Variants in GALNT13 observed in about 807,000 individuals in gnomAD.
GALNT13 encodes the protein UDP-GalNAc:polypeptide N-acetylgalactosaminyltransferase 13.
In GALNT13, 28 loss-of-function variants were observed where a neutral mutation model predicts 64.2. The observed-to-expected ratio is 0.44, with a 90% CI of 0.32 to 0.60. The LOEUF (loss-of-function observed/expected upper bound fraction) is 0.60, where lower values mean the gene tolerates loss of function less well. Among genes scored for constraint, GALNT13 ranks in the 20% least tolerant of loss-of-function variants. GALNT13 has a pLI of 0.05. For missense variants in GALNT13, 577 were observed against 669.8 expected (o/e 0.86, Z 1.53); for synonymous variants, 214 against 224.6 (o/e 0.95, Z 0.42).
the GALNT13 span, among the ~76,000 whole-genome samples, chr2:153,629,043 A>G: frequency 1.3e-5 from 2 of 152,110 alleles, no homozygotes; most frequent in Non-Finnish European, 2.9e-5. Flanking sequence ...TGGTCTATTC[A>G]GAGATTCAAA....
chr2:154,198,748 T>A (rs1394036845), intron 4 of GALNT13, among the ~76,000 whole-genome samples: 1 of 151,788 alleles, frequency 6.6e-6, no homozygotes, highest in African/African-American at 2.4e-5. Flanking sequence ...AGAATATGGG[T>A]AGGAGGGAAC....
intron 3 of GALNT13, among the ~76,000 whole-genome samples, chr2:154,113,159 T>C (rs1184402366): frequency 6.6e-6 from 1 of 152,158 alleles, no homozygotes; most frequent in Non-Finnish European, 1.5e-5. Flanking sequence ...GGAGAATAGT[T>C]ATCTGCAGAA....
the GALNT13 span, among the ~76,000 whole-genome samples, chr2:153,586,118 C>T: frequency 6.6e-6 from 1 of 152,114 alleles, no homozygotes; most frequent in East Asian, 1.9e-4. Flanking sequence ...CATAAAACCA[C>T]AAAGACAGAG....
At chr2:153,282,528 C>A in the GALNT13 span, among the ~76,000 whole-genome samples, 4 of 152,184 alleles carry the variant, frequency 2.6e-5, no homozygotes, top group African/African-American at 9.7e-5. Flanking sequence ...GATCTTCCCA[C>A]TTCAGCCTCC....
At chr2:153,116,956 C>A in the GALNT13 span, among the ~76,000 whole-genome samples, 3 of 151,896 alleles carry the variant, frequency 2.0e-5, no homozygotes, top group Admixed American at 6.6e-5. Context: ...CCCGCCACCA[C>A]GCCCGGCTAA....
At chr2:153,921,018 T>A (rs1372084618) in intron 2 of GALNT13, among the ~76,000 whole-genome samples, 4 of 152,210 alleles carry the variant, frequency 2.6e-5, no homozygotes, top group African/African-American at 9.6e-5. Flanking sequence ...GCTTATACAT[T>A]GCTGATGAGC....
At chr2:153,307,234 C>T in the GALNT13 span, among the ~76,000 whole-genome samples, 1 of 152,070 alleles carries the variant, frequency 6.6e-6, no homozygotes, top group South Asian at 2.1e-4. Flanking sequence ...TCACAGAGGT[C>T]TTTAAAGGTT....
At chr2:154,455,667 G>T (rs758179013), downstream of GALNT13, among the ~76,000 whole-genome samples, 1 of 152,158 alleles carries the variant, frequency 6.6e-6, no homozygotes, top group Non-Finnish European at 1.5e-5. Context: ...ATCAGCTATT[G>T]TATGAATTTA....
At chr2:153,449,898 A>C in the GALNT13 span, 1 of 152,238 alleles carries the variant, frequency 6.6e-6, no homozygotes, top group African/African-American at 2.4e-5. Flanking sequence ...TTATGACCTA[A>C]TCACCTCTTA....
the GALNT13 span, among the ~76,000 whole-genome samples, chr2:153,685,055 A>G: frequency 1.3e-5 from 2 of 151,266 alleles, no homozygotes; most frequent in African/African-American, 4.8e-5. Flanking sequence ...GTCTATCATT[A>G]CTGGGCTATC....
chr2:153,549,707 G>T, the GALNT13 span, among the ~76,000 whole-genome samples: 1 of 152,136 alleles, frequency 6.6e-6, no homozygotes, highest in South Asian at 2.1e-4. Context: ...CTACCCATGG[G>T]CTCCTGAGAA....
At chr2:153,995,926 A>G (rs924069896) in intron 3 of GALNT13, among the ~76,000 whole-genome samples, 1 of 152,114 alleles carries the variant, frequency 6.6e-6, no homozygotes, top group Non-Finnish European at 1.5e-5. Flanking sequence ...ATCTTGCAGT[A>G]TTTGCCTTTC....
chr2:154,149,272 A>G (rs1418663989), intron 4 of GALNT13, among the ~76,000 whole-genome samples: 7 of 152,056 alleles, frequency 4.6e-5, no homozygotes, highest in South Asian at 2.1e-4. Flanking sequence ...GCTCTGTTCT[A>G]TTCCATTGAT....
chr2:154,399,443 A>G (rs799744), intron 10 of GALNT13, among the ~76,000 whole-genome samples: 52,043 of 151,762 alleles, frequency 0.34, 9,320 homozygotes, highest in African/African-American at 0.45. Flanking sequence ...GCATGTTGTC[A>G]CTAAGTCCTC....
At chr2:154,439,865 C>T (rs1473773865) in intron 12 of GALNT13, among the ~76,000 whole-genome samples, 1 of 152,108 alleles carries the variant, frequency 6.6e-6, no homozygotes, top group Non-Finnish European at 1.5e-5. Flanking sequence ...AGGGCAAACA[C>T]TGAGAATTCT....
At chr2:154,273,933 A>G (rs971261554) in intron 8 of GALNT13, among the ~76,000 whole-genome samples, 8 of 152,120 alleles carry the variant, frequency 5.3e-5, no homozygotes, top group Non-Finnish European at 1.0e-4. Context: ...ATCATTTTAC[A>G]AGTATTGTTA....
At chr2:154,403,520 C>A (rs978686493) in intron 10 of GALNT13, among the ~76,000 whole-genome samples, 6 of 151,938 alleles carry the variant, frequency 3.9e-5, no homozygotes, top group Non-Finnish European at 8.8e-5. Flanking sequence ...GTGATATGTC[C>A]CTCTTATTTG....
intron 3 of GALNT13, among the ~76,000 whole-genome samples, chr2:154,022,187 A>G (rs1328234140): frequency 1.3e-5 from 2 of 152,138 alleles, no homozygotes; most frequent in East Asian, 1.9e-4. Context: ...GTCTCTGCCC[A>G]GCTTTGGTAT....
rs574301454 is a variant in GALNT13 at position 154,032,081 on chromosome 2, A to G, written c.142+87442A>G. Among the ~76,000 whole-genome samples the G allele has an allele frequency of 2.0e-5, 3 of 152,070 alleles. No homozygotes were observed. The East Asian group carries it at 5.8e-4, about 29-fold the overall frequency. On this transcript the variant is annotated intron_variant, in intron 3 of 12. Coordinates refer to ENST00000392825, the MANE Select transcript of GALNT13 (RefSeq NM_052917.4). Reference sequence around the variant, plus strand: ...TAAGATACTATAAAAGTAAGTGCAAATTAAATCCAGGACAAGCAGAAGGAA... The same window carrying G: ...TAAGATACTATAAAAGTAAGTGCAAGTTAAATCCAGGACAAGCAGAAGGAA...
Sources: gnomAD v4.1 joint callset for allele counts (sites outside exome capture counted in the v4.1 genomes callset) on GRCh38, gnomAD v4.1.1 for gene constraint, MANE v1.5 for transcripts, NCBI Gene and HGNC (gene_info 2026-07-23, HGNC 2026-07-21) for gene names.